PRKCB: variants seen among roughly 807,000 people sequenced by gnomAD.
PRKCB encodes protein kinase C beta.
Under a neutral mutation model 81.5 loss-of-function variants are expected in PRKCB, and 13 were observed. That is an observed-to-expected ratio of 0.16 (90% confidence interval 0.10 to 0.25). The LOEUF (loss-of-function observed/expected upper bound fraction) is 0.25. Ranked by LOEUF, PRKCB falls within the 10% of genes least tolerant of loss-of-function variation. The pLI, the probability that PRKCB is intolerant of heterozygous loss-of-function variation, is 1.00. For missense variants in PRKCB, 509 were observed against 875.7 expected (o/e 0.58, Z 5.29); for synonymous variants, 335 against 321.4 (o/e 1.04, Z -0.45).
intron 3 of PRKCB, among the ~76,000 whole-genome samples, chr16:24,021,079 C>CTTTCTTTCTTTT (rs1298478624): frequency 7.7e-6 from 1 of 130,286 alleles, no homozygotes; most frequent in South Asian, 2.6e-4. Flanking sequence ...TCCCTTCTTT[C>CTTTCTTTCTTTT]TTTCTTTCTT....
intron 3 of PRKCB, among the ~76,000 whole-genome samples, chr16:24,031,444 G>A (rs978701848): frequency 3.9e-5 from 6 of 152,140 alleles, no homozygotes; most frequent in Non-Finnish European, 4.4e-5. Flanking sequence ...CCATTTGAAG[G>A]GAATGGCCCT....
chr16:23,876,242 C>A (rs925629848), intron 2 of PRKCB, among the ~76,000 whole-genome samples: 6 of 152,154 alleles, frequency 3.9e-5, no homozygotes, highest in Admixed American at 1.3e-4. Flanking sequence ...AGATATGGAA[C>A]AATTATATAC....
chr16:23,875,037 CT>C (rs10568541), intron 2 of PRKCB, among the ~76,000 whole-genome samples: 76,874 of 116,938 alleles, frequency 0.66, 24,096 homozygotes, highest in Admixed American at 0.72. Flanking sequence ...TCTCTATGTC[CT>C]TTTTTTTTTT....
intron 8 of PRKCB, among the ~76,000 whole-genome samples, chr16:24,120,272 A>G (rs1260330486): frequency 2.0e-5 from 3 of 152,176 alleles, no homozygotes; most frequent in African/African-American, 7.2e-5. Context: ...TTTGGGTTAC[A>G]TGGGTGTGCA....
chr16:24,057,534 G>A lies in PRKCB; in HGVS notation c.529+21987G>A, dbSNP rs200753858. The stretch of plus-strand genomic sequence containing the variant: ...ATTTGCTAGATACTGGATGGCTGTA[G>A]GAATGAATATGATTCTTTACACGCT... On this transcript the variant is annotated intron_variant, in intron 5 of 16. Transcript: ENST00000643927. Among the ~76,000 whole-genome samples, 10 of 152,246 alleles carry A rather than the reference G, an allele frequency of 6.6e-5. No homozygotes were observed. The East Asian group carries it at 1.9e-3, about 29-fold the overall frequency.
chr16:24,121,250 G>A (rs1307039168), intron 8 of PRKCB, among the ~76,000 whole-genome samples: 4 of 152,198 alleles, frequency 2.6e-5, no homozygotes, highest in African/African-American at 2.4e-5. Context: ...GACACAGTAT[G>A]GAGGACCCAA....
At chr16:24,035,596 T>G (rs1172125574) in intron 5 of PRKCB, 49 bp downstream of exon 5, 3 of 1,525,394 alleles carry the variant, frequency 2.0e-6, no homozygotes, top group African/African-American at 3.0e-5. Context: ...TTGACCTGTG[T>G]GATTGAGAAG....
intron 3 of PRKCB, among the ~76,000 whole-genome samples, chr16:23,991,246 T>C (rs1567336953): frequency 1.3e-5 from 2 of 152,340 alleles, no homozygotes; most frequent in East Asian, 3.9e-4. Context: ...TGTTGGATAT[T>C]CTTTGCTTGG....
chr16:23,938,173 A>C (rs894486381), intron 2 of PRKCB, among the ~76,000 whole-genome samples: 2 of 152,322 alleles, frequency 1.3e-5, no homozygotes, highest in East Asian at 3.9e-4. Flanking sequence ...CAGGGCCTGG[A>C]TATATCTTTC....
rs527499690 is a variant in PRKCB at position 24,140,738 on chromosome 16, A to T, written c.1066-13946A>T. Among the ~76,000 whole-genome samples, 3 of 152,296 alleles carry T rather than the reference A, an allele frequency of 2.0e-5. No homozygotes were observed. The South Asian group carries it at 6.2e-4, about 32-fold the overall frequency. On this transcript the variant is annotated intron_variant, in intron 9 of 16. Transcript: ENST00000643927. ...CAACAGTGATGTTATCTGTGGGAGT[A>T]ATTGGGAAAGTTGCAAGTCTTGTGA... is the stretch of plus-strand genomic sequence containing the variant.
In PRKCB at chr16:24,145,802, G is replaced by A. The variant is rs1966979802; in HGVS notation, c.1066-8882G>A. ...ACCGGAGGTTGGTGCTTTGTACAAA[G>A]CTCACCATCAGCCCCCTTTGTTGTT... On this transcript the variant is annotated intron_variant, in intron 9 of 16. Transcript: ENST00000643927. 3.3e-5 allele frequency among the ~76,000 whole-genome samples: 5 copies of A among 152,342 alleles called. No individual in the cohort carries two copies. In the South Asian group the frequency reaches 8.3e-4, roughly 25 times the overall value.
At chr16:24,047,560 G>A (rs1017695829) in intron 5 of PRKCB, among the ~76,000 whole-genome samples, 1 of 151,418 alleles carries the variant, frequency 6.6e-6, no homozygotes, top group East Asian at 1.9e-4. Flanking sequence ...AAGAATTTGA[G>A]CACCCGCCTC....
intron 12 of PRKCB, among the ~76,000 whole-genome samples, chr16:24,176,558 T>G (rs1413286446): frequency 1.3e-5 from 2 of 152,242 alleles, no homozygotes; most frequent in Non-Finnish European, 2.9e-5. Context: ...ACTCTCATAG[T>G]GACAACATCT....
chr16:24,096,666 A>AAAAATATATATAT (rs1406204037), intron 7 of PRKCB, among the ~76,000 whole-genome samples: 2 of 32,698 alleles, frequency 6.1e-5, no homozygotes, highest in African/African-American at 9.7e-5. Flanking sequence ...AAAAAAAAAA[A>AAAAATATATATAT]ATATATATAT....
intron 3 of PRKCB, among the ~76,000 whole-genome samples, chr16:23,990,430 C>T (rs373233855): frequency 4.0e-4 from 61 of 150,998 alleles, no homozygotes; most frequent in Middle Eastern, 3.4e-3. Context: ...TGCACTCCAG[C>T]CTGGGCGACA....
chr16:23,929,875 T>C (rs1293131940), intron 2 of PRKCB, among the ~76,000 whole-genome samples: 1 of 151,880 alleles, frequency 6.6e-6, no homozygotes, highest in Non-Finnish European at 1.5e-5. Context: ...AAGGAGAAGA[T>C]TTTGGGCAGT....
chr16:23,848,965 C>G (rs550478949), intron 2 of PRKCB, among the ~76,000 whole-genome samples: 27 of 152,200 alleles, frequency 1.8e-4, no homozygotes, highest in Non-Finnish European at 1.2e-4. Flanking sequence ...ATCAAGGAGA[C>G]GACGCAAGAA....
chr16:24,047,522 C>G (rs79218106), intron 5 of PRKCB, among the ~76,000 whole-genome samples: 19,025 of 150,818 alleles, frequency 0.13, 1,546 homozygotes, highest in African/African-American at 0.23. Context: ...CAGAGCGAGA[C>G]CCTGTCTCTC....
In PRKCB at chr16:24,090,103, A is replaced by G. The variant is rs148732993; in HGVS notation, c.530-2688A>G. Among the ~76,000 whole-genome samples the G allele has an allele frequency of 4.0e-3, 610 of 152,290 alleles. 5 individuals are homozygous for G. Among genetic ancestry groups the G allele is most frequent in the African/African-American group, 0.014 (571 of 41,552 alleles). ...AGATTAACATTTTATTTTGTCCCCT[A>G]TATCCCCAGGGCCTAGCAGAATGCT... On this transcript the variant is annotated intron_variant, in intron 5 of 16. Coordinates refer to ENST00000643927, the MANE Select transcript of PRKCB (RefSeq NM_002738.7).
Sources: gnomAD v4.1 joint callset for allele counts (sites outside exome capture counted in the v4.1 genomes callset) on GRCh38, gnomAD v4.1.1 for gene constraint, MANE v1.5 for transcripts, NCBI Gene and HGNC (gene_info 2026-07-23, HGNC 2026-07-21) for gene names.